TMEM65: variants seen among roughly 807,000 people sequenced by gnomAD.
The protein encoded by TMEM65 is transmembrane protein 65.
Under a neutral mutation model 25.4 loss-of-function variants are expected in TMEM65, and 22 were observed. The ratio of observed to expected loss-of-function variants is 0.86; its 90% confidence interval spans 0.62 to 1.23. TMEM65 has a LOEUF of 1.23. TMEM65 is among the 50% of genes most tolerant of loss of function. The probability of loss-of-function intolerance (pLI) is 0.00; values close to 1 mark genes in which losing one functional copy is unlikely to be tolerated. For synonymous variants in TMEM65, 132 were observed against 126.2 expected, an observed-to-expected ratio of 1.05 and a Z score of -0.31; for missense variants, 262 against 308.2, an observed-to-expected ratio of 0.85 and a Z score of 1.12.
chr8:124,325,147 G>A (rs1814351502), intron 3 of TMEM65, among the ~76,000 whole-genome samples: 1 of 151,684 alleles, frequency 6.6e-6, no homozygotes, highest in African/African-American at 2.4e-5. Flanking sequence ...CTACAACTAG[G>A]GTGGGAAAGT....
intron 6 of TMEM65, among the ~76,000 whole-genome samples, chr8:124,317,760 C>T (rs1814255962): frequency 6.6e-6 from 1 of 152,164 alleles, no homozygotes; most frequent in African/African-American, 2.4e-5. Context: ...TATTACATTA[C>T]ATAAGGCTCC....
chr8:124,321,581 C>T (rs529036870), intron 5 of TMEM65, among the ~76,000 whole-genome samples: 1 of 152,062 alleles, frequency 6.6e-6, no homozygotes, highest in Non-Finnish European at 1.5e-5. Context: ...CCCATATATG[C>T]TTTGGCCATT....
chr8:124,322,359 G>T (rs1402051278), intron 4 of TMEM65, among the ~76,000 whole-genome samples: 2 of 151,906 alleles, frequency 1.3e-5, no homozygotes, highest in Non-Finnish European at 2.9e-5. Flanking sequence ...TAAGTAGTAG[G>T]TTTTTTTGTT....
Position 124,312,229 on chromosome 8 carries a change from G to A in TMEM65, c.*1731C>T, listed in dbSNP as rs573650682. The A allele has an allele frequency of 2.8e-4, 42 of 151,264 alleles. No homozygotes were observed. The highest frequency in any genetic ancestry group is 9.5e-4 in the African/African-American group (39 of 41,262). The allele number at this position is 151,264 out of a possible 1,614,324, so 9.4% of individuals were successfully genotyped here. A position where few individuals can be genotyped will look rare whatever the true frequency, so the allele number is the denominator to read the frequency against. On this transcript the variant is annotated 3_prime_UTR_variant, in exon 7 of 7. Coordinates refer to ENST00000297632, the MANE Select transcript of TMEM65 (RefSeq NM_194291.3). The stretch of plus-strand genomic sequence containing the variant: ...GGTTATTATATGGAAGATACAAACC[G>A]AAATTCTATTTAAGATCTCAAGTTC...
At chr8:124,368,630 T>C (rs538660722) in intron 1 of TMEM65, among the ~76,000 whole-genome samples, 65 of 152,340 alleles carry the variant, frequency 4.3e-4, no homozygotes, top group African/African-American at 1.4e-3. Context: ...CACTGCCATG[T>C]CATGAGAATA....
rs546000718 is a variant in TMEM65 at position 124,315,014 on chromosome 8, T to C, written c.622-953A>G. Among the ~76,000 whole-genome samples the C allele has an allele frequency of 2.0e-5, 3 of 152,260 alleles. No individual in the cohort carries two copies. The South Asian group carries it at 6.2e-4, about 32-fold the overall frequency. ...AAATTGTTATTTTTGTAAATGGTTT[T>C]CAAAATTTGCATTCCTATGATGACT... On this transcript the variant is annotated intron_variant, in intron 6 of 6. Transcript: ENST00000297632.
At chr8:124,322,994 CTAAATAAATAAA>C (rs199541134) in intron 4 of TMEM65, among the ~76,000 whole-genome samples, 3 of 149,706 alleles carry the variant, frequency 2.0e-5, no homozygotes, top group African/African-American at 5.0e-5. Flanking sequence ...GACCCCGTCT[CTAAATAAATAAA>C]TAAATAAATA....
chr8:124,341,932 C>T (rs1355716382), intron 1 of TMEM65, among the ~76,000 whole-genome samples: 6 of 151,692 alleles, frequency 4.0e-5, no homozygotes, highest in Non-Finnish European at 8.8e-5. Context: ...AGATATTAAA[C>T]TAACTGGGCT....
intron 1 of TMEM65, among the ~76,000 whole-genome samples, chr8:124,360,727 T>C (rs1482752701): frequency 2.0e-5 from 3 of 152,172 alleles, no homozygotes; most frequent in Non-Finnish European, 4.4e-5. Context: ...GCCATCCCTT[T>C]GAAAATGCAA....
chr8:124,354,998 A>G (rs1325369088), intron 1 of TMEM65, among the ~76,000 whole-genome samples: 1 of 152,190 alleles, frequency 6.6e-6, no homozygotes, highest in Non-Finnish European at 1.5e-5. Context: ...GGTGGGAAAA[A>G]CACAGGAGAA....
chr8:124,337,870 TATACTC>T (rs765434880), intron 1 of TMEM65, among the ~76,000 whole-genome samples: 4 of 152,078 alleles, frequency 2.6e-5, no homozygotes, highest in African/African-American at 7.2e-5. Flanking sequence ...ATTACATTCT[TATACTC>T]ATAGTTGCAT....
chr8:124,345,363 G>C (rs188000867), intron 1 of TMEM65, among the ~76,000 whole-genome samples: 5 of 152,198 alleles, frequency 3.3e-5, no homozygotes, highest in African/African-American at 1.2e-4. Flanking sequence ...TGCCCAACAC[G>C]TGAGTTGTCT....
intron 1 of TMEM65, among the ~76,000 whole-genome samples, chr8:124,351,718 T>C (rs1814710861): frequency 6.6e-6 from 1 of 152,196 alleles, no homozygotes; most frequent in Admixed American, 6.5e-5. Flanking sequence ...AACGGCTTCA[T>C]CTTTTCACCA....
chr8:124,320,061 A>G, intron 6 of TMEM65, 25 bp downstream of exon 6: 1 of 1,581,542 alleles, frequency 6.3e-7, no homozygotes. Flanking sequence ...CCAACTCATT[A>G]TCATAAACCA....
chr8:124,333,470 C>CGTGTGTGTGCGTGT (rs1554589076), intron 1 of TMEM65, among the ~76,000 whole-genome samples: 5 of 149,138 alleles, frequency 3.4e-5, no homozygotes, highest in Admixed American at 2.0e-4. Context: ...TGTGTGTGTG[C>CGTGTGTGTGCGTGT]GTGTGTGTGT....
Position 124,313,909 on chromosome 8 carries a change from T to C in TMEM65, c.*51A>G. 1 of 1,246,202 alleles carries C rather than the reference T, an allele frequency of 8.0e-7. No individual in the cohort carries two copies. Among genetic ancestry groups the C allele is most frequent in the South Asian group, 1.3e-5 (1 of 79,802 alleles). The allele number at this position is 1,246,202 out of a possible 1,614,324, so 77.2% of individuals were successfully genotyped here. ...TTCCTAAATGTTGTGACAGCATATT[T>C]AATTACTGAGGTACATTAGTTTACA... On this transcript the variant is annotated 3_prime_UTR_variant, in exon 7 of 7. Coordinates refer to ENST00000297632, the MANE Select transcript of TMEM65 (RefSeq NM_194291.3).
At chr8:124,347,267 T>C (rs1270045102) in intron 1 of TMEM65, among the ~76,000 whole-genome samples, 1 of 152,206 alleles carries the variant, frequency 6.6e-6, no homozygotes, top group East Asian at 1.9e-4. Flanking sequence ...TTTAATTATT[T>C]CTAAATATAT....
chr8:124,318,216 A>G (rs997891743), intron 6 of TMEM65, among the ~76,000 whole-genome samples: 3 of 152,042 alleles, frequency 2.0e-5, no homozygotes, highest in African/African-American at 7.2e-5. Flanking sequence ...AAGTGGATTC[A>G]TCACCAATTG....
chr8:124,354,974 G>A (rs1031854266), intron 1 of TMEM65, among the ~76,000 whole-genome samples: 1 of 152,028 alleles, frequency 6.6e-6, no homozygotes, highest in South Asian at 2.1e-4. Flanking sequence ...ATGTAAAAAG[G>A]AATAAAAAAA....
Sources: allele counts gnomAD v4.1 joint callset (sites outside exome capture counted in the v4.1 genomes callset), GRCh38; gene constraint gnomAD v4.1.1; transcripts MANE v1.5; gene names NCBI Gene and HGNC (gene_info 2026-07-23, HGNC 2026-07-21).